The following OAS2 variants were observed in gnomAD, a reference collection of about 807,000 sequenced individuals.
OAS2 encodes the protein 2'-5'-oligoadenylate synthetase 2.
Under a neutral mutation model 71.3 loss-of-function variants are expected in OAS2, and 67 were observed. That is an observed-to-expected ratio of 0.94 (90% CI 0.77 to 1.15). The LOEUF (loss-of-function observed/expected upper bound fraction) is 1.15, where lower values mean the gene tolerates loss of function less well. OAS2 is among the 50% of genes most tolerant of loss of function. The pLI is 0.00. For missense variants in OAS2, 789 were observed against 822.5 expected (o/e 0.96, Z 0.50); for synonymous variants, 327 against 321.8 (o/e 1.02, Z -0.17).
In OAS2 at chr12:113,010,583, C is replaced by G; in HGVS notation, c.*1328C>G. On this transcript the variant is annotated 3_prime_UTR_variant, in exon 10 of 10. Coordinates refer to ENST00000392583, the MANE Select transcript of OAS2 (RefSeq NM_002535.3). ...ATGGTCCCTATTCCTCCTTCCCTTG[C>G]TTCTTGGACTTCTTGAAATCAATCA... is the stretch of plus-strand genomic sequence containing the variant. 6.7e-7 allele frequency: 1 copy of G among 1,495,610 alleles called. No homozygotes were observed. The highest frequency in any genetic ancestry group is 8.9e-7 in the Non-Finnish European group (1 of 1,127,558). 92.6% of individuals were successfully genotyped at this position (1,495,610 alleles called of 1,614,324 possible).
At chr12:112,998,634 T>C (rs1431495008) in intron 5 of OAS2, among the ~76,000 whole-genome samples, 1 of 152,210 alleles carries the variant, frequency 6.6e-6, no homozygotes, top group Non-Finnish European at 1.5e-5. Context: ...CTGCAGGCCC[T>C]AGGGAAGAAT....
intron 5 of OAS2, among the ~76,000 whole-genome samples, chr12:113,000,546 A>G (rs890406118): frequency 6.6e-6 from 1 of 151,698 alleles, no homozygotes; most frequent in African/African-American, 2.4e-5. Flanking sequence ...ACATGCACAC[A>G]CATGTACTCA....
Position 112,981,493 on chromosome 12 carries a change from T to C in OAS2, c.177+2708T>C, listed in dbSNP as rs1255324280. Among the ~76,000 whole-genome samples, 3 of 152,162 alleles carry C rather than the reference T, an allele frequency of 2.0e-5. No individual in the cohort carries two copies. The East Asian group carries it at 5.8e-4, about 29-fold the overall frequency. On this transcript the variant is annotated intron_variant, in intron 1 of 9. Coordinates refer to ENST00000392583, the MANE Select transcript of OAS2 (RefSeq NM_002535.3). ...GAGAGTATCCTTTCCCTAATGTGTG[T>C]TCATGGTGCTTTCTCAATCAGTTGG...
intron 1 of OAS2, among the ~76,000 whole-genome samples, chr12:112,984,575 T>C (rs2044114988): frequency 6.6e-6 from 1 of 152,238 alleles, no homozygotes; most frequent in Non-Finnish European, 1.5e-5. Context: ...TTCAGGGTTG[T>C]TATTGATAGG....
At position 112,978,623 on chromosome 12, in the gene OAS2, G is replaced by A. The variant is rs147801521; in HGVS notation, c.15G>A (p.Glu5=). 1.9e-5 allele frequency: 31 copies of A among 1,614,076 alleles called. No homozygotes were observed. In the African/African-American group the frequency reaches 4.1e-4, roughly 22 times the overall value. MGNG[E]SQLSSVPAQK... ...AGCTGAGAGCAATGGGAAATGGGGA[G>A]TCCCAGCTGTCCTCGGTGCCTGCTC... The change falls in exon 1 of 10, where the codon GAG becomes GAA. Residue 5 remains glutamate, a synonymous_variant. Transcript: ENST00000392583. This position sits in a 1 kb window ranked among gnomAD's most constrained non-coding sequence, Gnocchi z 4.2.
rs2044362800 is a variant in OAS2, at chr12:113,009,544, C to G, written c.*289C>G. 1 of 1,093,148 alleles carries G rather than the reference C, an allele frequency of 9.1e-7. No homozygotes were observed. Among genetic ancestry groups the G allele is most frequent in the South Asian group, 3.9e-5 (1 of 25,764 alleles). 67.7% of individuals were successfully genotyped at this position (1,093,148 alleles called of 1,614,324 possible). ...TCTTCAGACATTGTCAAACGTTCCC[C>G]TGGGTTCACAGATCTTTCTGCCTTT... On this transcript the variant is annotated 3_prime_UTR_variant, in exon 10 of 10. Transcript: ENST00000392583.
intron 5 of OAS2, among the ~76,000 whole-genome samples, chr12:113,001,203 T>G (rs1280572726): frequency 6.6e-6 from 1 of 151,780 alleles, no homozygotes; most frequent in Non-Finnish European, 1.5e-5. Flanking sequence ...ATAAATTAGC[T>G]GTAGTCCCAG....
At chr12:112,981,393 A>G (rs907176469) in intron 1 of OAS2, among the ~76,000 whole-genome samples, 1 of 152,052 alleles carries the variant, frequency 6.6e-6, no homozygotes, top group African/African-American at 2.4e-5. Context: ...TTAATTTTTT[A>G]TAAGATGACA....
chr12:113,008,454 G>A (rs1253721677), intron 9 of OAS2, among the ~76,000 whole-genome samples: 1 of 152,038 alleles, frequency 6.6e-6, no homozygotes, highest in Non-Finnish European at 1.5e-5. Flanking sequence ...GCCTACCCTG[G>A]GTTCTTGGCA....
Position 112,993,383 on chromosome 12 carries a change from G to A in OAS2, c.449-1913G>A, listed in dbSNP as rs767342812. Among the ~76,000 whole-genome samples the A allele has an allele frequency of 8.5e-5, 13 of 152,166 alleles. 1 individual carries two copies. The highest frequency in any genetic ancestry group is 2.1e-4 in the South Asian group (1 of 4,834). ...GCCAGCTAAGAGTTTTGTGAGGCTT[G>A]TATGTTTCACTGTACATAAAAGGCT... is the stretch of plus-strand genomic sequence containing the variant. On this transcript the variant is annotated intron_variant, in intron 2 of 9. Coordinates refer to ENST00000392583, the MANE Select transcript of OAS2 (RefSeq NM_002535.3).
At chr12:112,993,950 G>A (rs2044213072) in intron 2 of OAS2, among the ~76,000 whole-genome samples, 1 of 68,210 alleles carries the variant, frequency 1.5e-5, no homozygotes, top group Non-Finnish European at 2.4e-5. Flanking sequence ...TATTTGTTTG[G>A]TTGTTTTTTT....
At position 113,009,644 on chromosome 12, in the gene OAS2, T is replaced by C. The variant is rs779179354; in HGVS notation, c.*389T>C. 4.0e-6 allele frequency: 4 copies of C among 993,378 alleles called. No homozygotes were observed. The highest frequency in any genetic ancestry group is 4.8e-6 in the Non-Finnish European group (4 of 835,560). 61.5% of individuals were successfully genotyped at this position (993,378 alleles called of 1,614,324 possible). A position where few individuals can be genotyped will look rare whatever the true frequency, so the allele number is the denominator to read the frequency against. Reference sequence around the variant, plus strand: ...TGAAAGCGGCCACGGTGCCTCCAGATGGCAGGTTTGCAATCCAAGCAGGAA... The same window carrying C: ...TGAAAGCGGCCACGGTGCCTCCAGACGGCAGGTTTGCAATCCAAGCAGGAA... On this transcript the variant is annotated 3_prime_UTR_variant, in exon 10 of 10. Transcript: ENST00000392583.
intron 2 of OAS2, among the ~76,000 whole-genome samples, chr12:112,990,088 AC>A (rs1435476119): frequency 1.3e-5 from 2 of 152,132 alleles, no homozygotes; most frequent in African/African-American, 4.8e-5. Flanking sequence ...ATATTGTGTC[AC>A]ACACTCTGCC....
chr12:112,995,179 C>T (rs957388156), intron 2 of OAS2, 117 bp from the exon 3 acceptor site: 22 of 876,090 alleles, frequency 2.5e-5, no homozygotes, highest in African/African-American at 6.8e-5. Context: ...GTCCTCTGAC[C>T]GATTAAGCAA....
chr12:112,996,955 A>G (rs1396570070), intron 3 of OAS2, among the ~76,000 whole-genome samples: 1 of 152,190 alleles, frequency 6.6e-6, no homozygotes, highest in East Asian at 1.9e-4. Context: ...TCAGGGTTCA[A>G]TCCTCAGTTT....
rs1435436298 is a variant in OAS2, at chr12:113,009,860, C to T, written c.*605C>T. 4.1e-6 allele frequency: 4 copies of T among 986,726 alleles called. No individual in the cohort carries two copies. Among genetic ancestry groups the T allele is most frequent in the Non-Finnish European group, 4.8e-6 (4 of 830,968 alleles). 61.1% of individuals were successfully genotyped at this position (986,726 alleles called of 1,614,324 possible). On this transcript the variant is annotated 3_prime_UTR_variant, in exon 10 of 10. Coordinates refer to ENST00000392583, the MANE Select transcript of OAS2 (RefSeq NM_002535.3). The stretch of plus-strand genomic sequence containing the variant: ...TCTGCCACACCTCTCCAAAGCCCTC[C>T]CTACCTACCAAGATATACCTGATAT...
chr12:112,985,738 T>C (rs542099636), intron 1 of OAS2, among the ~76,000 whole-genome samples: 6 of 152,362 alleles, frequency 3.9e-5, no homozygotes, highest in African/African-American at 1.4e-4. Flanking sequence ...CATGTTTCTG[T>C]GTCCTTACAT....
intron 1 of OAS2, among the ~76,000 whole-genome samples, chr12:112,979,877 T>C (rs1330182966): frequency 6.6e-6 from 1 of 152,242 alleles, no homozygotes; most frequent in African/African-American, 2.4e-5. Context: ...ACTATCCCAG[T>C]TCATCCAAGA....
intron 5 of OAS2, among the ~76,000 whole-genome samples, chr12:113,002,022 G>A (rs113622832): frequency 0.057 from 8,660 of 152,030 alleles, 738 homozygotes; most frequent in African/African-American, 0.19. Flanking sequence ...GTGACAGAGC[G>A]AGACACTATT....
Sources: gnomAD v4.1 joint callset for allele counts (sites outside exome capture counted in the v4.1 genomes callset) on GRCh38, gnomAD v4.1.1 for gene constraint, Gnocchi (gnomAD v3.1) non-coding constraint, MANE v1.5 for transcripts, NCBI Gene and HGNC (gene_info 2026-07-23, HGNC 2026-07-21) for gene names.